The following SHQ1 variants were observed in gnomAD, a reference collection of about 807,000 sequenced individuals.
SHQ1 encodes the protein SHQ1, H/ACA ribonucleoprotein assembly factor.
SHQ1 carries 49 observed loss-of-function variants against 53.8 expected under a neutral mutation model. The ratio of observed to expected loss-of-function variants is 0.91; its 90% CI spans 0.72 to 1.16. The LOEUF (loss-of-function observed/expected upper bound fraction) is 1.16, where lower values mean the gene tolerates loss of function less well. Ranked by LOEUF, SHQ1 falls within the 50% of genes most tolerant of loss-of-function variation. The pLI, the probability that SHQ1 is intolerant of heterozygous loss-of-function variation, is 0.00. For missense variants in SHQ1, 738 were observed against 683.1 expected, an observed-to-expected ratio of 1.08 and a Z score of -0.90; for synonymous variants, 243 against 251.0, an observed-to-expected ratio of 0.97 and a Z score of 0.30.
intron 10 of SHQ1, among the ~76,000 whole-genome samples, chr3:72,792,235 C>T (rs1203432152): frequency 6.6e-6 from 1 of 152,202 alleles, no homozygotes; most frequent in Non-Finnish European, 1.5e-5. Flanking sequence ...CACACTCACA[C>T]TCTACTGTAA....
intron 6 of SHQ1, among the ~76,000 whole-genome samples, chr3:72,823,348 C>T (rs974828031): frequency 1.3e-5 from 2 of 151,996 alleles, no homozygotes. Flanking sequence ...AGGCACTATA[C>T]TAGACACTGA....
At position 72,758,243 on chromosome 3, in the gene SHQ1, G is replaced by A. The variant is rs1006795584; in HGVS notation, c.1182-7407C>T. On this transcript the variant is annotated intron_variant, in intron 10 of 10. Coordinates refer to ENST00000325599, the MANE Select transcript of SHQ1 (RefSeq NM_018130.3). The stretch of plus-strand genomic sequence containing the variant: ...TATAACAGTGAGAAGCACTTCCAGC[G>A]CAGCCATTAACAAAAACATTCAATC... Among the ~76,000 whole-genome samples, 524 of 152,238 alleles carry A rather than the reference G, an allele frequency of 3.4e-3. 7 individuals carry two copies. The highest frequency in any genetic ancestry group is 2.6e-3 in the Non-Finnish European group (178 of 68,026).
chr3:72,733,833 A>C, the SHQ1 span, among the ~76,000 whole-genome samples: 3 of 151,548 alleles, frequency 2.0e-5, no homozygotes, highest in Non-Finnish European at 2.9e-5. Context: ...GCCAACACTT[A>C]ATGACGTGGT....
intron 5 of SHQ1, among the ~76,000 whole-genome samples, chr3:72,826,823 A>T (rs1362653316): frequency 6.6e-6 from 1 of 152,268 alleles, no homozygotes; most frequent in Non-Finnish European, 1.5e-5. Flanking sequence ...GAAGCTGAAC[A>T]TAATATAGTG....
chr3:72,848,040 C>T (rs1315586695), intron 1 of SHQ1, among the ~76,000 whole-genome samples, 158 bp downstream of exon 1: 1 of 152,118 alleles, frequency 6.6e-6, no homozygotes, highest in Non-Finnish European at 1.5e-5. Flanking sequence ...AAAACGCACC[C>T]CTGGAAGAGG....
intron 5 of SHQ1, among the ~76,000 whole-genome samples, chr3:72,828,570 T>C (rs535053705): frequency 2.6e-5 from 4 of 152,162 alleles, no homozygotes; most frequent in African/African-American, 7.2e-5. Context: ...GGTGCACACC[T>C]GTAATCTAAG....
intron 10 of SHQ1, among the ~76,000 whole-genome samples, chr3:72,791,731 T>A (rs76990728): frequency 6.6e-6 from 1 of 152,124 alleles, no homozygotes; most frequent in Admixed American, 6.5e-5. Flanking sequence ...GTTTTTTTTT[T>A]AATACAGACA....
intron 10 of SHQ1, among the ~76,000 whole-genome samples, chr3:72,767,893 G>A (rs962818761): frequency 6.6e-5 from 10 of 152,166 alleles, no homozygotes; most frequent in Admixed American, 6.5e-5. Context: ...GCCTAATTAT[G>A]GTTTGATTCA....
At chr3:72,751,504 G>GTATATATA (rs1233066493) in intron 10 of SHQ1, among the ~76,000 whole-genome samples, 3 of 118,152 alleles carry the variant, frequency 2.5e-5, no homozygotes, top group African/African-American at 1.3e-4. Context: ...GTGTGTGTGT[G>GTATATATA]TGTGTATATA....
intron 9 of SHQ1, among the ~76,000 whole-genome samples, chr3:72,803,300 A>C (rs888266442): frequency 6.6e-6 from 1 of 152,332 alleles, no homozygotes; most frequent in African/African-American, 2.4e-5. Context: ...ACACAGCAAC[A>C]GTAGGCTACA....
chr3:72,776,272 C>T (rs1356431011), intron 10 of SHQ1, among the ~76,000 whole-genome samples: 1 of 152,150 alleles, frequency 6.6e-6, no homozygotes, highest in Non-Finnish European at 1.5e-5. Flanking sequence ...ATATGGTGGT[C>T]CCATAAGAGT....
At chr3:72,745,626 A>G (rs1344715092), downstream of SHQ1, among the ~76,000 whole-genome samples, 1 of 152,114 alleles carries the variant, frequency 6.6e-6, no homozygotes, top group Non-Finnish European at 1.5e-5. Flanking sequence ...CGGCTCCCCC[A>G]GCGACCTGTT....
At position 72,749,293 on chromosome 3, in the gene SHQ1, A is replaced by G. The variant is rs958266344; in HGVS notation, c.*991T>C. ...CATGAAGACTTGTACACAAATGTTC[A>G]TAACAGCTTTATTTATAACAGCCCC... is the stretch of plus-strand genomic sequence containing the variant. On this transcript the variant is annotated 3_prime_UTR_variant, in exon 11 of 11. Coordinates refer to ENST00000325599, the MANE Select transcript of SHQ1 (RefSeq NM_018130.3). 4 of 226,284 alleles carry G rather than the reference A, an allele frequency of 1.8e-5. 1 individual carries two copies. The highest frequency in any genetic ancestry group is 3.5e-5 in the Non-Finnish European group (4 of 113,592). 14.0% of individuals were successfully genotyped at this position (226,284 alleles called of 1,614,324 possible). A position where few individuals can be genotyped will look rare whatever the true frequency, so the allele number is the denominator to read the frequency against.
chr3:72,769,912 T>C (rs989272371), intron 10 of SHQ1, among the ~76,000 whole-genome samples: 15 of 152,202 alleles, frequency 9.9e-5, no homozygotes, highest in Non-Finnish European at 2.1e-4. Flanking sequence ...GTTAACTTAA[T>C]CTCTCTGAGC....
intron 9 of SHQ1, among the ~76,000 whole-genome samples, chr3:72,812,405 T>C (rs766288242): frequency 6.6e-5 from 10 of 152,222 alleles, no homozygotes; most frequent in Non-Finnish European, 1.0e-4. Flanking sequence ...GCAGCTATTA[T>C]AATGTAAAAC....
intron 2 of SHQ1, 38 bp downstream of exon 2, chr3:72,844,321 C>T: frequency 6.4e-7 from 1 of 1,552,396 alleles, no homozygotes; most frequent in Non-Finnish European, 8.9e-7. Flanking sequence ...TGTGAAAAAT[C>T]CCAAGAAATA....
downstream of SHQ1, among the ~76,000 whole-genome samples, chr3:72,748,599 G>A (rs889574399): frequency 6.6e-6 from 1 of 152,120 alleles, no homozygotes. Context: ...GCTGAGGCAT[G>A]AGAATCGCTT....
At chr3:72,791,643 T>C (rs1025052091) in intron 10 of SHQ1, among the ~76,000 whole-genome samples, 5 of 152,204 alleles carry the variant, frequency 3.3e-5, no homozygotes, top group African/African-American at 7.2e-5. Flanking sequence ...TAAGTCACAA[T>C]TGACATTGTA....
chr3:72,803,831 C>A (rs1237038321), intron 9 of SHQ1, among the ~76,000 whole-genome samples: 3 of 151,884 alleles, frequency 2.0e-5, no homozygotes, highest in Non-Finnish European at 4.4e-5. Flanking sequence ...TATTTTTTTT[C>A]AACGATTTAA....
Sources: gnomAD v4.1 joint callset for allele counts (sites outside exome capture counted in the v4.1 genomes callset) on GRCh38, gnomAD v4.1.1 for gene constraint, MANE v1.5 for transcripts, NCBI Gene and HGNC (gene_info 2026-07-23, HGNC 2026-07-21) for gene names.